PCDH7: variants seen among roughly 807,000 people sequenced by gnomAD.
PCDH7 encodes protocadherin 7.
A neutral mutation model predicts 58.9 loss-of-function variants in PCDH7; 17 were observed. The observed-to-expected ratio is 0.29, with a 90% CI of 0.20 to 0.43. The LOEUF is 0.43. PCDH7 is among the 20% of genes least tolerant of loss of function. The probability of loss-of-function intolerance (pLI) is 1.00; values close to 1 mark genes in which losing one functional copy is unlikely to be tolerated. For missense variants in PCDH7, 1,274 were observed against 1,441.0 expected, an observed-to-expected ratio of 0.88 and a Z score of 1.88; for synonymous variants, 664 against 616.4, an observed-to-expected ratio of 1.08 and a Z score of -1.14.
At chr4:30,921,602 C>G (rs909736478) in intron 2 of PCDH7, among the ~76,000 whole-genome samples, 1 of 151,968 alleles carries the variant, frequency 6.6e-6, no homozygotes, top group Non-Finnish European at 1.5e-5. Context: ...TGATGATTGA[C>G]GTCCCTCTTG....
At chr4:31,106,627 C>T (rs1366058124) in intron 3 of PCDH7, among the ~76,000 whole-genome samples, 2 of 152,220 alleles carry the variant, frequency 1.3e-5, no homozygotes, top group Non-Finnish European at 2.9e-5. Context: ...TCCTATTTAA[C>T]ATTATTAACC....
chr4:31,066,674 TA>T (rs1396064379), intron 3 of PCDH7, among the ~76,000 whole-genome samples: 2 of 151,962 alleles, frequency 1.3e-5, no homozygotes, highest in East Asian at 3.9e-4. Context: ...TGCTTGATTT[TA>T]AATAGGGTTT....
rs575249948 is a variant in PCDH7, at chr4:30,842,479, G to A, written c.71-77674G>A. Among the ~76,000 whole-genome samples the A allele has an allele frequency of 5.3e-5, 8 of 152,190 alleles. No individual in the cohort carries two copies. In the East Asian group the frequency reaches 1.6e-3, roughly 30 times the overall value. On this transcript the variant is annotated intron_variant, in intron 1 of 3. Coordinates refer to the PCDH7 transcript ENST00000509759. ...CTGTCTTCTACACCACATTTTAAGT[G>A]CTTATAGTGGAAAGGACCAAAAATA...
At chr4:30,898,632 C>T (rs1578213716) in intron 1 of PCDH7, among the ~76,000 whole-genome samples, 3 of 152,180 alleles carry the variant, frequency 2.0e-5, no homozygotes, top group Admixed American at 6.5e-5. Flanking sequence ...GCTCTGTCGC[C>T]CAGGCTGGAG....
chr4:31,084,925 A>G (rs2109275438), intron 3 of PCDH7, among the ~76,000 whole-genome samples: 1 of 152,182 alleles, frequency 6.6e-6, no homozygotes, highest in South Asian at 2.1e-4. Flanking sequence ...CCGTGGTCCA[A>G]ACACCTTACA....
At chr4:31,104,169 G>A in intron 3 of PCDH7, among the ~76,000 whole-genome samples, 1 of 152,156 alleles carries the variant, frequency 6.6e-6, no homozygotes, top group Admixed American at 6.5e-5. Flanking sequence ...GTCTTTTTCA[G>A]TATACTGTGA....
At chr4:30,806,596 G>T (rs577397179) in intron 1 of PCDH7, among the ~76,000 whole-genome samples, 2 of 151,516 alleles carry the variant, frequency 1.3e-5, no homozygotes, top group African/African-American at 2.4e-5. Flanking sequence ...GAGCCACTGC[G>T]CCTGGCCACC....
chr4:30,873,971 T>C (rs1735945907), intron 1 of PCDH7, among the ~76,000 whole-genome samples: 1 of 152,172 alleles, frequency 6.6e-6, no homozygotes, highest in African/African-American at 2.4e-5. Context: ...AGAAAGTTCC[T>C]AGTTGTTTCA....
In PCDH7 at chr4:30,721,581, A is replaced by C; in HGVS notation, c.159A>C (p.Ser53=). Residue 53 remains serine (S), a synonymous_variant, in exon 1 of 2, where the codon TCA becomes TCC. Transcript: ENST00000361762. This position sits in a 1 kb window ranked among gnomAD's most constrained non-coding sequence, Gnocchi z 6.7. The stretch of plus-strand genomic sequence containing the variant: ...ACGTCCGCATCGGCAACGTGGCTTC[A>C]GACCTGGGCATCGTGACCGGATCGG... The C allele has an allele frequency of 3.7e-6, 6 of 1,609,304 alleles. No homozygotes were observed. Among genetic ancestry groups the C allele is most frequent in the Non-Finnish European group, 5.1e-6 (6 of 1,179,844 alleles).
chr4:30,988,966 T>C (rs1751224945), intron 3 of PCDH7, among the ~76,000 whole-genome samples: 1 of 152,172 alleles, frequency 6.6e-6, no homozygotes. Context: ...CTTTTTTAAT[T>C]GAAAGTTCAT....
At chr4:31,018,168 A>T (rs1354473331) in intron 3 of PCDH7, among the ~76,000 whole-genome samples, 2 of 152,094 alleles carry the variant, frequency 1.3e-5, no homozygotes, top group Non-Finnish European at 2.9e-5. Flanking sequence ...GGATAATGAA[A>T]ATTTTCTTCT....
chr4:30,773,313 A>T (rs575215334), intron 1 of PCDH7, among the ~76,000 whole-genome samples: 8 of 152,350 alleles, frequency 5.3e-5, no homozygotes, highest in African/African-American at 1.9e-4. Flanking sequence ...AAGATTTTAC[A>T]CTTGAAAGTG....
chr4:30,882,748 C>T (rs770259484), intron 1 of PCDH7, among the ~76,000 whole-genome samples: 1 of 152,196 alleles, frequency 6.6e-6, no homozygotes, highest in Non-Finnish European at 1.5e-5. Context: ...CATACTTTTG[C>T]TTAGGGAAGT....
At chr4:30,838,311 T>A (rs1730767355) in intron 1 of PCDH7, among the ~76,000 whole-genome samples, 1 of 152,102 alleles carries the variant, frequency 6.6e-6, no homozygotes, top group Admixed American at 6.6e-5. Context: ...GAATTTGATA[T>A]ACATTTTTTT....
Position 30,988,371 on chromosome 4 carries a change from A to AGAATT in PCDH7, c.*7+38157_*7+38158insAATTG, listed in dbSNP as rs2109119932. On this transcript the variant is annotated intron_variant, in intron 3 of 3. Transcript: ENST00000509759. ...AGTTAGATAGATGGGTAGACAGAATAGTCACCTACATACTCTTAGTTATAA... is the reference window on the plus strand; with the variant it reads ...AGTTAGATAGATGGGTAGACAGAATAGAATTGTCACCTACATACTCTTAGTTATAA... Among the ~76,000 whole-genome samples, 5 of 152,194 alleles carry AGAATT rather than the reference A, an allele frequency of 3.3e-5. No homozygotes were observed. In the South Asian group the frequency reaches 1.0e-3, roughly 32 times the overall value.
intron 1 of PCDH7, among the ~76,000 whole-genome samples, chr4:30,905,548 C>T (rs1321203822): frequency 6.6e-6 from 1 of 152,102 alleles, no homozygotes; most frequent in East Asian, 1.9e-4. Flanking sequence ...CACACTTTGC[C>T]CAACTGGGTT....
intron 3 of PCDH7, among the ~76,000 whole-genome samples, chr4:30,976,062 A>T (rs945342813): frequency 6.6e-6 from 1 of 152,184 alleles, no homozygotes; most frequent in Non-Finnish European, 1.5e-5. Flanking sequence ...AAATCAAAAC[A>T]TCAGTGGGCT....
At chr4:30,861,177 C>G (rs552811010) in intron 1 of PCDH7, among the ~76,000 whole-genome samples, 1 of 152,222 alleles carries the variant, frequency 6.6e-6, no homozygotes, top group African/African-American at 2.4e-5. Flanking sequence ...AAGTACTGTT[C>G]TTTGTATGTG....
At chr4:30,739,818 T>C (rs1348512551) in intron 1 of PCDH7, among the ~76,000 whole-genome samples, 1 of 152,148 alleles carries the variant, frequency 6.6e-6, no homozygotes, top group Non-Finnish European at 1.5e-5. Context: ...TAAGGTCTAT[T>C]CCAGGCACCA....
Sources: gnomAD v4.1 joint callset for allele counts (sites outside exome capture counted in the v4.1 genomes callset) on GRCh38, gnomAD v4.1.1 for gene constraint, Gnocchi (gnomAD v3.1) non-coding constraint, MANE v1.5 for transcripts, NCBI Gene and HGNC (gene_info 2026-07-23, HGNC 2026-07-21) for gene names.